Variants in SLC3A1 observed in about 807,000 individuals in gnomAD.
SLC3A1 encodes the protein solute carrier family 3 member 1, also known as amino acid transporter heavy chain SLC3A1.
In SLC3A1, 78 loss-of-function variants were observed where a neutral mutation model predicts 60.3. The ratio of observed to expected loss-of-function variants is 1.29; its 90% confidence interval spans 1.08 to 1.56. The LOEUF (loss-of-function observed/expected upper bound fraction) is 1.56, where lower values mean the gene tolerates loss of function less well. Ranked by LOEUF, SLC3A1 falls within the 40% of genes most tolerant of loss-of-function variation. The pLI is 0.00. For missense variants in SLC3A1, 1,172 were observed against 858.9 expected, an observed-to-expected ratio of 1.36 and a Z score of -4.56; for synonymous variants, 392 against 307.9, an observed-to-expected ratio of 1.27 and a Z score of -2.86.
At chr2:44,283,455 C>A (rs1441675516) in intron 3 of SLC3A1, among the ~76,000 whole-genome samples, 1 of 152,186 alleles carries the variant, frequency 6.6e-6, no homozygotes, top group Non-Finnish European at 1.5e-5. Context: ...TTTAGTTAAT[C>A]CACTCTATAA....
At chr2:44,288,233 C>T (rs183342273) in intron 4 of SLC3A1, among the ~76,000 whole-genome samples, 2 of 152,198 alleles carry the variant, frequency 1.3e-5, no homozygotes, top group African/African-American at 4.8e-5. Flanking sequence ...GCCATGTTGG[C>T]CAGGCTGGTC....
chr2:44,296,851 G>T (rs1671862269), intron 4 of SLC3A1, among the ~76,000 whole-genome samples: 1 of 152,160 alleles, frequency 6.6e-6, no homozygotes, highest in South Asian at 2.1e-4. Flanking sequence ...CCTCCATCCT[G>T]TTCTCGTGAT....
At chr2:44,283,786 T>C (rs1338424141) in intron 3 of SLC3A1, among the ~76,000 whole-genome samples, 2 of 152,148 alleles carry the variant, frequency 1.3e-5, no homozygotes, top group Non-Finnish European at 2.9e-5. Context: ...TAACCATATA[T>C]TGCAAGACTT....
chr2:44,283,006 G>T (rs144793340), intron 3 of SLC3A1, among the ~76,000 whole-genome samples: 1 of 152,156 alleles, frequency 6.6e-6, no homozygotes, highest in African/African-American at 2.4e-5. Flanking sequence ...TCTGAATTCA[G>T]ATGTAACTGG....
downstream of SLC3A1, chr2:44,321,572 C>T (rs963563882): frequency 1.6e-5 from 24 of 1,497,192 alleles, no homozygotes; most frequent in South Asian, 3.1e-4. Context: ...AGAATACTTT[C>T]ATTCGAGAGA....
intron 7 of SLC3A1, among the ~76,000 whole-genome samples, chr2:44,305,673 C>G (rs1239884768): frequency 1.3e-5 from 2 of 152,024 alleles, no homozygotes; most frequent in African/African-American, 4.8e-5. Flanking sequence ...TGATCCACCC[C>G]CACCTCAGCC....
intron 1 of SLC3A1, among the ~76,000 whole-genome samples, chr2:44,276,308 G>A (rs1310599542): frequency 6.6e-6 from 1 of 152,152 alleles, no homozygotes; most frequent in Non-Finnish European, 1.5e-5. Flanking sequence ...CTTTATAGTT[G>A]AATATGTCAG....
At chr2:44,284,662 A>G (rs1446106424) in intron 3 of SLC3A1, among the ~76,000 whole-genome samples, 1 of 152,258 alleles carries the variant, frequency 6.6e-6, no homozygotes, top group East Asian at 1.9e-4. Flanking sequence ...TCCTAGGCTC[A>G]AGCAATCCTC....
chr2:44,305,169 A>C (rs1672121684), intron 7 of SLC3A1, among the ~76,000 whole-genome samples: 2 of 152,070 alleles, frequency 1.3e-5, no homozygotes, highest in Non-Finnish European at 2.9e-5. Context: ...ACATTACTTC[A>C]GTGAAGAACA....
At chr2:44,281,322 T>C in intron 2 of SLC3A1, 65 bp from the exon 3 acceptor site, 1 of 1,407,446 alleles carries the variant, frequency 7.1e-7, no homozygotes, top group East Asian at 2.3e-5. Flanking sequence ...TTACTGTGCC[T>C]GGCCTGTCAT....
chr2:44,312,314 A>G (rs974111549), intron 7 of SLC3A1, among the ~76,000 whole-genome samples: 1 of 152,148 alleles, frequency 6.6e-6, no homozygotes, highest in Non-Finnish European at 1.5e-5. Context: ...TTATCCAAAT[A>G]TGAGAAAATA....
At chr2:44,309,677 G>A (rs1231522376) in intron 7 of SLC3A1, among the ~76,000 whole-genome samples, 3 of 152,320 alleles carry the variant, frequency 2.0e-5, no homozygotes, top group Middle Eastern at 3.4e-3. Flanking sequence ...TCGGCTCACT[G>A]CAACCTCTGC....
In SLC3A1 at chr2:44,320,329, CA is replaced by C. The variant is rs775827496; in HGVS notation, c.1750del (p.Arg584GlufsTer14). 25 of 1,614,022 alleles carry C rather than the reference CA, an allele frequency of 1.5e-5. No homozygotes were observed. The highest frequency in any genetic ancestry group is 2.1e-5 in the Non-Finnish European group (25 of 1,180,004). On this transcript the variant is annotated frameshift_variant, in exon 10 of 10. Transcript: ENST00000260649. LOFTEE classifies it low-confidence loss of function (END_TRUNC). ...LRNDSHYVVY[T>X]RELDGIDRIF... ...AATGACAGCCACTATGTTGTGTACA[CA>C]AGAGAGCTGGATGGCATCGACAGAA...
rs1334629381 is a variant in SLC3A1 at position 44,320,999 on chromosome 2, T to C, written c.*360T>C. On this transcript the variant is annotated 3_prime_UTR_variant, in exon 10 of 10. Coordinates refer to ENST00000260649, the MANE Select transcript of SLC3A1 (RefSeq NM_000341.4). ...GAGGATGACTCACTGCCACAGTGTC[T>C]AAAAGCATTTGCTAGCAAAGAGGCA... The C allele has an allele frequency of 1.0e-5, 4 of 387,570 alleles. No individual in the cohort carries two copies. The highest frequency in any genetic ancestry group is 1.9e-5 in the Non-Finnish European group (4 of 211,076). 24.0% of individuals were successfully genotyped at this position (387,570 alleles called of 1,614,324 possible).
intron 3 of SLC3A1, among the ~76,000 whole-genome samples, chr2:44,281,904 T>C (rs1447893663): frequency 6.6e-6 from 1 of 152,210 alleles, no homozygotes; most frequent in Non-Finnish European, 1.5e-5. Flanking sequence ...GATGTAGTTT[T>C]GCTCTTGTCT....
rs367637016 is a variant in SLC3A1, at chr2:44,301,029, G to T, written c.1038G>T (p.Leu346=). The change falls in exon 6 of 10, where the codon CTG becomes CTT. Residue 346 remains leucine, a synonymous_variant. Coordinates refer to ENST00000260649, the MANE Select transcript of SLC3A1 (RefSeq NM_000341.4). The part of the protein sequence containing the change: ...IPDTVTQYSE[L]YHDFTTTQVG... Reference sequence around the variant, plus strand: ...ACACGGTCACACAATACTCGGAGCTGTACCATGACTTCACCACCACGCAGG... The same window carrying T: ...ACACGGTCACACAATACTCGGAGCTTTACCATGACTTCACCACCACGCAGG... 3 of 1,614,050 alleles carry T rather than the reference G, an allele frequency of 1.9e-6. No individual in the cohort carries two copies. The African/African-American group carries it at 4.0e-5, about 22-fold the overall frequency.
chr2:44,287,833 C>G (rs1219437895), intron 4 of SLC3A1, among the ~76,000 whole-genome samples: 1 of 152,080 alleles, frequency 6.6e-6, no homozygotes, highest in African/African-American at 2.4e-5. Flanking sequence ...CACAGCTCAC[C>G]ACGTCAGCCA....
chr2:44,275,517 A>G lies in SLC3A1; in HGVS notation c.-19A>G, dbSNP rs1242048956. 1.9e-6 allele frequency: 3 copies of G among 1,611,416 alleles called. No homozygotes were observed. In the African/African-American group the frequency reaches 4.0e-5, roughly 22 times the overall value. The stretch of plus-strand genomic sequence containing the variant: ...CCCTTACTGCAGGAAGGCACTCCGA[A>G]GACATAAGTCGGTGAGACATGGCTG... On this transcript the variant is annotated 5_prime_UTR_variant, in exon 1 of 10. Transcript: ENST00000260649.
At chr2:44,316,818 A>G (rs1651209650) in intron 9 of SLC3A1, among the ~76,000 whole-genome samples, 1 of 152,250 alleles carries the variant, frequency 6.6e-6, no homozygotes, top group South Asian at 2.1e-4. Context: ...ATGGAAAAGC[A>G]AGGACCCACA....
Sources: gnomAD v4.1 joint callset for allele counts (sites outside exome capture counted in the v4.1 genomes callset) on GRCh38, gnomAD v4.1.1 for gene constraint, MANE v1.5 for transcripts, NCBI Gene and HGNC (gene_info 2026-07-23, HGNC 2026-07-21) for gene names.